RADIL: variants seen among roughly 807,000 people sequenced by gnomAD.
The protein encoded by RADIL is ras-associating and dilute domain-containing protein.
In RADIL, 99 loss-of-function variants were observed where a neutral mutation model predicts 97.6. The observed-to-expected ratio is 1.01, with a 90% confidence interval of 0.86 to 1.20. RADIL has a LOEUF of 1.20. Among genes scored for constraint, RADIL ranks in the 50% most tolerant of loss-of-function variants. RADIL has a pLI of 0.00. For synonymous variants in RADIL, 803 were observed against 691.8 expected, an observed-to-expected ratio of 1.16 and a Z score of -2.52; for missense variants, 1,765 against 1,498.9, an observed-to-expected ratio of 1.18 and a Z score of -2.93.
At chr7:4,804,137 G>A (rs1004163698) in intron 10 of RADIL, 4 of 313,296 alleles carry the variant, frequency 1.3e-5, no homozygotes, top group Non-Finnish European at 2.5e-5. Context: ...CCCAGGGCTG[G>A]AGCCGACTGC....
At chr7:4,846,487 G>GA (rs1332224883) in intron 2 of RADIL, among the ~76,000 whole-genome samples, 1 of 150,706 alleles carries the variant, frequency 6.6e-6, no homozygotes, top group Non-Finnish European at 1.5e-5. Context: ...TTTGGTGGGG[G>GA]AGTCTTTCCT....
chr7:4,851,371 C>G (rs748335084), intron 2 of RADIL, among the ~76,000 whole-genome samples: 3 of 152,140 alleles, frequency 2.0e-5, no homozygotes, highest in Non-Finnish European at 4.4e-5. Flanking sequence ...TTCCCTTGAA[C>G]AGGCTACTAG....
chr7:4,880,959 T>C lies in RADIL; in HGVS notation c.-65+2637A>G, dbSNP rs1319760756. On this transcript the variant is annotated intron_variant, in intron 1 of 14. Transcript: ENST00000399583. This position sits in a 1 kb window ranked among gnomAD's most constrained non-coding sequence, Gnocchi z 4.5. ...CAGAAAATAAAAATAAAAAATTAGC[T>C]GGGCATGGTGTGCACCTGTAGTCCC... Among the ~76,000 whole-genome samples the C allele has an allele frequency of 6.6e-6, 1 of 151,858 alleles. No homozygotes were observed. The highest frequency in any genetic ancestry group is 2.4e-5 in the African/African-American group (1 of 41,332).
At position 4,824,827 on chromosome 7, in the gene RADIL, C is replaced by T. The variant is rs760111454; in HGVS notation, c.1455-2273G>A. On this transcript the variant is annotated intron_variant, in intron 5 of 14. Transcript: ENST00000399583. The surrounding 1 kb of genome is among the most constrained non-coding windows in gnomAD (Gnocchi z 6.7). Reference sequence around the variant, plus strand: ...TTAAAGAAGGATTCGCTGGGCTCTTCGGAGACTAATTCCATCTTGTTTTCA... The same window carrying T: ...TTAAAGAAGGATTCGCTGGGCTCTTTGGAGACTAATTCCATCTTGTTTTCA... 3.3e-5 allele frequency among the ~76,000 whole-genome samples: 5 copies of T among 152,196 alleles called. No homozygotes were observed. Among genetic ancestry groups the T allele is most frequent in the South Asian group, 2.1e-4 (1 of 4,830 alleles).
chr7:4,861,449 G>A, intron 2 of RADIL: 2 of 1,614,106 alleles, frequency 1.2e-6, no homozygotes, highest in South Asian at 1.1e-5. Flanking sequence ...ATGACTTGGT[G>A]CAACGCACAA....
chr7:4,859,977 C>T (rs1783935728), intron 2 of RADIL: 2 of 1,613,846 alleles, frequency 1.2e-6, no homozygotes, highest in Admixed American at 1.7e-5. Flanking sequence ...ACAACTCTGG[C>T]GACCATGGCC....
intron 2 of RADIL, among the ~76,000 whole-genome samples, chr7:4,856,985 G>A (rs989948048): frequency 6.6e-6 from 1 of 152,170 alleles, no homozygotes; most frequent in African/African-American, 2.4e-5. Context: ...GGTCCTTAAT[G>A]CGAAAAGTCC....
In RADIL at chr7:4,817,549, G is replaced by A. The variant is rs572801995; in HGVS notation, c.1616-198C>T. Among the ~76,000 whole-genome samples, 2 of 152,248 alleles carry A rather than the reference G, an allele frequency of 1.3e-5. No homozygotes were observed. The highest frequency in any genetic ancestry group is 3.9e-4 in the East Asian group (2 of 5,174). On this transcript the variant is annotated intron_variant, in intron 6 of 14. Coordinates refer to ENST00000399583, the MANE Select transcript of RADIL (RefSeq NM_018059.5). This position sits in a 1 kb window ranked among gnomAD's most constrained non-coding sequence, Gnocchi z 8.3. ...GCAAACCTGCCGCCACTCTTACCTG[G>A]GGAGGGGAATGCCGGGAGGGGCAGG...
intron 5 of RADIL, among the ~76,000 whole-genome samples, chr7:4,825,883 G>GAAAAAAAAAAAAAAAAAAAAAAAAA (rs540147941): frequency 2.0e-5 from 1 of 51,026 alleles, no homozygotes; most frequent in Non-Finnish European, 4.7e-5. Flanking sequence ...CTCCGTCTCA[G>GAAAAAAAAAAAAAAAAAAAAAAAAA]AAAAAAAAAA....
rs1241721900 is a variant in RADIL at position 4,813,109 on chromosome 7, C to T, written c.2139+2169G>A. ...CTCTCTCTCTCTCTCTCTTTCCTTT[C>T]TTTCTTTCTTTTCTTTCTTTCATAG... On this transcript the variant is annotated intron_variant, in intron 9 of 14. Coordinates refer to ENST00000399583, the MANE Select transcript of RADIL (RefSeq NM_018059.5). This position sits in a 1 kb window ranked among gnomAD's most constrained non-coding sequence, Gnocchi z 5.0. Among the ~76,000 whole-genome samples, 1 of 139,784 alleles carries T rather than the reference C, an allele frequency of 7.2e-6. No individual in the cohort carries two copies. Among genetic ancestry groups the T allele is most frequent in the East Asian group, 2.0e-4 (1 of 5,118 alleles). 91.7% of individuals were successfully genotyped at this position (139,784 alleles called of 152,430 possible). A position where few individuals can be genotyped will look rare whatever the true frequency, so the allele number is the denominator to read the frequency against.
chr7:4,839,043 G>A (rs930500165), intron 2 of RADIL, among the ~76,000 whole-genome samples: 6 of 152,366 alleles, frequency 3.9e-5, no homozygotes, highest in Middle Eastern at 3.4e-3. Flanking sequence ...CGCCATGCAC[G>A]GGAGGAGAGC....
chr7:4,854,436 G>A lies in RADIL; in HGVS notation c.536-17831C>T, dbSNP rs994252541. ...GGGCCGGGCGCGGTGGCTCACGCCT[G>A]TAATCCCAGCACGTTGGGAGGCCGA... On this transcript the variant is annotated intron_variant, in intron 2 of 14. Coordinates refer to ENST00000399583, the MANE Select transcript of RADIL (RefSeq NM_018059.5). The surrounding 1 kb of genome is among the most constrained non-coding windows in gnomAD (Gnocchi z 5.1). Among the ~76,000 whole-genome samples, 3 of 152,224 alleles carry A rather than the reference G, an allele frequency of 2.0e-5. No homozygotes were observed. The South Asian group carries it at 6.2e-4, about 31-fold the overall frequency.
At chr7:4,836,095 G>A (rs1367301338) in intron 3 of RADIL, among the ~76,000 whole-genome samples, 5 of 152,256 alleles carry the variant, frequency 3.3e-5, no homozygotes, top group East Asian at 1.9e-4. Context: ...CCCTGAAGGC[G>A]CCTGGTGCTG....
Position 4,834,084 on chromosome 7 carries a change from C to T in RADIL, c.1416+523G>A, listed in dbSNP as rs1174046521. Among the ~76,000 whole-genome samples, 1 of 152,172 alleles carries T rather than the reference C, an allele frequency of 6.6e-6. No individual in the cohort carries two copies. Among genetic ancestry groups the T allele is most frequent in the African/African-American group, 2.4e-5 (1 of 41,442 alleles). On this transcript the variant is annotated intron_variant, in intron 4 of 14. Coordinates refer to ENST00000399583, the MANE Select transcript of RADIL (RefSeq NM_018059.5). The surrounding 1 kb of genome is among the most constrained non-coding windows in gnomAD (Gnocchi z 6.0). ...AGAGAGGCTGGCCTGGAGGAAAGTT[C>T]GTCAACGCACAAAAGGTGACGGGCC...
chr7:4,822,601 G>A lies in RADIL; in HGVS notation c.1455-47C>T, dbSNP rs1236180049. Reference sequence around the variant, plus strand: ...GAGTTACGCGGGGACCCGACCCTCAGGAGGCTGAATCTACCACTCTTTCTA... The same window carrying A: ...GAGTTACGCGGGGACCCGACCCTCAAGAGGCTGAATCTACCACTCTTTCTA... On this transcript the variant is annotated intron_variant, in intron 5 of 14. Coordinates refer to ENST00000399583, the MANE Select transcript of RADIL (RefSeq NM_018059.5). This position sits in a 1 kb window ranked among gnomAD's most constrained non-coding sequence, Gnocchi z 5.3. 1.9e-6 allele frequency: 3 copies of A among 1,586,736 alleles called. No individual in the cohort carries two copies. The East Asian group carries it at 6.7e-5, about 35-fold the overall frequency.
chr7:4,846,724 T>G (rs1176296538), intron 2 of RADIL, among the ~76,000 whole-genome samples: 1 of 151,626 alleles, frequency 6.6e-6, no homozygotes, highest in Non-Finnish European at 1.5e-5. Context: ...TTTCGTATTT[T>G]TAGTAGAGAT....
intron 9 of RADIL, among the ~76,000 whole-genome samples, chr7:4,812,392 G>A (rs866730944): frequency 2.0e-5 from 3 of 151,830 alleles, no homozygotes; most frequent in African/African-American, 2.4e-5. Context: ...TAGCAATTGT[G>A]TTTTCTCCCT....
chr7:4,808,493 A>T, intron 9 of RADIL: 1 of 835,176 alleles, frequency 1.2e-6, no homozygotes, highest in Non-Finnish European at 1.4e-6. Flanking sequence ...AGGGCCCCCA[A>T]GCTAGAAATG....
Position 4,814,538 on chromosome 7 carries a change from G to T in RADIL, c.2139+740C>A, listed in dbSNP as rs114094274. On this transcript the variant is annotated intron_variant, in intron 9 of 14. Coordinates refer to ENST00000399583, the MANE Select transcript of RADIL (RefSeq NM_018059.5). This position sits in a 1 kb window ranked among gnomAD's most constrained non-coding sequence, Gnocchi z 4.5. ...TACCTGTGATGACTGTGTTGGGAAG[G>T]GGGGTGGTGAGTGGCTGACTGTGTT... Among the ~76,000 whole-genome samples, 12 of 152,058 alleles carry T rather than the reference G, an allele frequency of 7.9e-5. No homozygotes were observed. Among genetic ancestry groups the T allele is most frequent in the Admixed American group, 3.3e-4 (5 of 15,260 alleles).
Sources: gnomAD v4.1 joint callset for allele counts (sites outside exome capture counted in the v4.1 genomes callset) on GRCh38, gnomAD v4.1.1 for gene constraint, Gnocchi (gnomAD v3.1) non-coding constraint, MANE v1.5 for transcripts, NCBI Gene and HGNC (gene_info 2026-07-23, HGNC 2026-07-21) for gene names.